Variants in PDE4DIP observed in about 807,000 individuals in gnomAD.
PDE4DIP encodes the protein myomegalin.
PDE4DIP carries 59 observed loss-of-function variants against 221.4 expected under a neutral mutation model. The observed-to-expected ratio is 0.27, with a 90% CI of 0.22 to 0.33. The LOEUF (loss-of-function observed/expected upper bound fraction) is 0.33, where lower values mean the gene tolerates loss of function less well. PDE4DIP is among the 10% of genes least tolerant of loss of function. The pLI, the probability that PDE4DIP is intolerant of heterozygous loss-of-function variation, is 1.00. For missense variants in PDE4DIP, 1,036 were observed against 2,154.2 expected, an observed-to-expected ratio of 0.48 and a Z score of 10.28; for synonymous variants, 404 against 815.9, an observed-to-expected ratio of 0.50 and a Z score of 8.60.
intron 43 of PDE4DIP, 60 bp downstream of exon 46, chr1:149,030,338 G>C: frequency 1.0e-5 from 16 of 1,551,112 alleles, no homozygotes; most frequent in Non-Finnish European, 1.4e-5. Context: ...ATCACCATCC[G>C]TTAGCAGATC....
At chr1:148,970,030 C>T (rs587677693) in intron 14 of PDE4DIP, among the ~76,000 whole-genome samples, 1 of 152,178 alleles carries the variant, frequency 6.6e-6, no homozygotes, top group African/African-American at 2.4e-5. Flanking sequence ...AATTTTTCCT[C>T]ATTTCTATGT....
At chr1:149,030,673 T>G (rs2076484392) in intron 43 of PDE4DIP, 1 of 920,826 alleles carries the variant, frequency 1.1e-6, no homozygotes, top group Admixed American at 6.2e-5. Flanking sequence ...CTACTCTTCA[T>G]GAAAAAGTAA....
At chr1:149,013,841 G>A (rs1329117713) in intron 32 of PDE4DIP, among the ~76,000 whole-genome samples, 3 of 131,924 alleles carry the variant, frequency 2.3e-5, no homozygotes, top group Admixed American at 8.6e-5. Flanking sequence ...AGACTGAAGT[G>A]CAGTGGCACG....
chr1:149,028,568 C>T (rs2075847717), exon 41 of PDE4DIP: 1 of 1,610,746 alleles, frequency 6.2e-7, no homozygotes, highest in African/African-American at 1.3e-5. Context: ...AGGTGCTAGG[C>T]AGCAAAGGTA....
chr1:148,933,292 C>T (rs1240991911), intron 4 of PDE4DIP, among the ~76,000 whole-genome samples: 2 of 152,106 alleles, frequency 1.3e-5, no homozygotes, highest in African/African-American at 4.8e-5. Context: ...ATTTCAAGAA[C>T]TTTAAATAAT....
At chr1:148,972,731 A>G in intron 16 of PDE4DIP, 139 bp downstream of exon 19, 1 of 558,948 alleles carries the variant, frequency 1.8e-6, no homozygotes, top group East Asian at 3.0e-5. Context: ...AATTCCTCTG[A>G]AAGGCTGAAG....
intron 4 of PDE4DIP, among the ~76,000 whole-genome samples, chr1:148,937,264 G>A (rs1553475624): frequency 6.6e-6 from 1 of 152,214 alleles, no homozygotes; most frequent in Non-Finnish European, 1.5e-5. Context: ...GTACGTGACT[G>A]TAGCTGTATG....
intron 21 of PDE4DIP, among the ~76,000 whole-genome samples, chr1:148,988,180 C>G (rs1440129551): frequency 6.6e-6 from 1 of 151,998 alleles, no homozygotes; most frequent in East Asian, 2.0e-4. Context: ...ATAGTAACAT[C>G]AAGTATAAAA....
intron 29 of PDE4DIP, 36 bp from the exon 33 acceptor site, chr1:149,009,532 C>G: frequency 1.4e-6 from 2 of 1,443,582 alleles, no homozygotes; most frequent in Non-Finnish European, 1.9e-6. Flanking sequence ...CTTCGGTGAC[C>G]TTGGTTTTAC....
In PDE4DIP at chr1:148,979,379, C is replaced by T. The variant is rs1221353234; in HGVS notation, c.2575-358C>T. On this transcript the variant is annotated intron_variant, in intron 19 of 43. Coordinates refer to ENST00000369354, the Ensembl canonical transcript of PDE4DIP. ...CTAGAACAGAGTCTGTCCCGTAGAACGTGCTCAGTAAATATTAATTGAATG... is the reference window on the plus strand; with the variant it reads ...CTAGAACAGAGTCTGTCCCGTAGAATGTGCTCAGTAAATATTAATTGAATG... 5.3e-5 allele frequency among the ~76,000 whole-genome samples: 8 copies of T among 152,216 alleles called. No homozygotes were observed. The South Asian group carries it at 6.2e-4, about 12-fold the overall frequency.
chr1:148,982,410 C>T (rs1263286748), intron 21 of PDE4DIP: 1 of 152,092 alleles, frequency 6.6e-6, no homozygotes, highest in African/African-American at 2.4e-5. Flanking sequence ...ATACATTTCT[C>T]CATATAACAG....
At chr1:148,992,066 G>GAGA (rs1178314430) in intron 22 of PDE4DIP, 93 bp downstream of exon 25, 1 of 754,458 alleles carries the variant, frequency 1.3e-6, no homozygotes, top group African/African-American at 1.7e-5. Flanking sequence ...CGGACTTAGT[G>GAGA]AGAAGATATC....
chr1:148,975,319 C>T (rs367784830), intron 17 of PDE4DIP, among the ~76,000 whole-genome samples: 16,836 of 142,116 alleles, frequency 0.12, 600 homozygotes, highest in Middle Eastern at 0.2. Context: ...CAGTGTTTAT[C>T]AAGTATTCAT....
intron 21 of PDE4DIP, chr1:148,984,533 A>G (rs1389171317): frequency 1.3e-5 from 2 of 152,060 alleles, no homozygotes; most frequent in African/African-American, 4.8e-5. Flanking sequence ...ACATAAAAAA[A>G]CCTATCACTT....
chr1:148,826,215 G>A (rs1488321117), intron 1 of PDE4DIP, among the ~76,000 whole-genome samples: 1 of 94,320 alleles, frequency 1.1e-5, no homozygotes, highest in African/African-American at 3.8e-5. Context: ...ACCGAAGCCA[G>A]CAAATAAAGG....
At chr1:148,986,697 A>T (rs1465097524) in intron 21 of PDE4DIP, among the ~76,000 whole-genome samples, 2 of 152,208 alleles carry the variant, frequency 1.3e-5, no homozygotes, top group Non-Finnish European at 2.9e-5. Flanking sequence ...TTCCCCGGAA[A>T]TGTCACATAG....
chr1:148,965,355 T>C (rs2057948560), intron 9 of PDE4DIP, 129 bp from the exon 13 acceptor site: 6 of 645,486 alleles, frequency 9.3e-6, no homozygotes, highest in Non-Finnish European at 1.6e-5. Flanking sequence ...AATACTTCTA[T>C]AGCAATTTTA....
chr1:149,032,429 C>G lies in PDE4DIP; in HGVS notation c.*444C>G, dbSNP rs1480742277. On this transcript the variant is annotated 3_prime_UTR_variant, in exon 44 of 44. Transcript: ENST00000369354. ...AATGCTGGAGCTCCTCTGGCAGGTT[C>G]TAAAAGCACACTACTGAGCAGCGGT... 15 of 439,704 alleles carry G rather than the reference C, an allele frequency of 3.4e-5. No individual in the cohort carries two copies. The Admixed American group carries it at 4.7e-4, about 14-fold the overall frequency. 27.2% of individuals were successfully genotyped at this position (439,704 alleles called of 1,614,324 possible). A position where few individuals can be genotyped will look rare whatever the true frequency, so the allele number is the denominator to read the frequency against.
At chr1:149,016,200 T>A (rs2070489398) in intron 32 of PDE4DIP, 99 bp from the exon 36 acceptor site, 1 of 660,062 alleles carries the variant, frequency 1.5e-6, no homozygotes, top group Non-Finnish European at 2.6e-6. Context: ...ATTCCACATG[T>A]CTCCTTTTAG....
Sources: allele counts gnomAD v4.1 joint callset (sites outside exome capture counted in the v4.1 genomes callset), GRCh38; gene constraint gnomAD v4.1.1; transcripts MANE v1.5; gene names NCBI Gene and HGNC (gene_info 2026-07-23, HGNC 2026-07-21).